The following CHMP2B variants were observed in gnomAD, a reference collection of about 807,000 sequenced individuals.
The protein encoded by CHMP2B is VPS2 homolog B.
A neutral mutation model predicts 29.8 loss-of-function variants in CHMP2B; 22 were observed. The observed-to-expected ratio is 0.74, with a 90% CI of 0.53 to 1.05. The LOEUF is 1.05. Ranked by LOEUF, CHMP2B falls within the 50% of genes least tolerant of loss-of-function variation. CHMP2B has a pLI of 0.00. For synonymous variants in CHMP2B, 78 were observed against 75.8 expected (o/e 1.03, Z -0.15); for missense variants, 261 against 252.2 (o/e 1.03, Z -0.24).
At chr3:87,240,878 A>G (rs984655587) in intron 2 of CHMP2B, 88 bp downstream of exon 2, 1 of 927,500 alleles carries the variant, frequency 1.1e-6, no homozygotes, top group South Asian at 1.3e-5. Context: ...AAGAAGGCAC[A>G]TGGCAGGTGG....
At chr3:87,241,018 T>A (rs1344702542) in intron 2 of CHMP2B, among the ~76,000 whole-genome samples, 1 of 152,234 alleles carries the variant, frequency 6.6e-6, no homozygotes, top group Non-Finnish European at 1.5e-5. Context: ...AATCAAATTA[T>A]TCTTCAGTTT....
chr3:87,235,399 T>G (rs1307738780), intron 1 of CHMP2B, among the ~76,000 whole-genome samples: 2 of 152,220 alleles, frequency 1.3e-5, no homozygotes, highest in African/African-American at 2.4e-5. Context: ...TTTACTGTCT[T>G]TTCCTACTTA....
intron 1 of CHMP2B, among the ~76,000 whole-genome samples, chr3:87,230,718 G>A (rs1218374082): frequency 6.6e-6 from 1 of 152,146 alleles, no homozygotes; most frequent in Non-Finnish European, 1.5e-5. Flanking sequence ...GAGTAGTGAT[G>A]TCTTATCTCC....
At chr3:87,246,852 G>A (rs1706222615) in intron 3 of CHMP2B, among the ~76,000 whole-genome samples, 5 of 152,130 alleles carry the variant, frequency 3.3e-5, no homozygotes, top group Admixed American at 3.3e-4. Flanking sequence ...TTCAATTGGA[G>A]GCTTAAGATA....
chr3:87,248,326 G>C (rs185966834), intron 3 of CHMP2B, among the ~76,000 whole-genome samples: 2 of 151,132 alleles, frequency 1.3e-5, no homozygotes, highest in East Asian at 4.0e-4. Context: ...AGAACGTTTC[G>C]GTATACATTT....
chr3:87,246,120 G>T (rs1358517360), intron 3 of CHMP2B, among the ~76,000 whole-genome samples: 2 of 150,720 alleles, frequency 1.3e-5, no homozygotes, highest in African/African-American at 4.9e-5. Context: ...CTTGTTTGAG[G>T]ACAATCCGTT....
chr3:87,232,303 AT>A (rs906366110), intron 1 of CHMP2B, among the ~76,000 whole-genome samples: 2 of 152,274 alleles, frequency 1.3e-5, no homozygotes, highest in Admixed American at 6.5e-5. Flanking sequence ...GTGATGCCAC[AT>A]TTCTGATGTT....
Position 87,253,002 on chromosome 3 carries a change from TA to T in CHMP2B, c.425-397del, listed in dbSNP as rs1706343519. ...AGGTATAAAAATATGATTATAGATA[TA>T]AAAAGAGTAAATCGTTTTCCAGATA... On this transcript the variant is annotated intron_variant, in intron 4 of 5. Coordinates refer to ENST00000263780, the MANE Select transcript of CHMP2B (RefSeq NM_014043.4). 1.5e-4 allele frequency: 27 copies of T among 183,158 alleles called. 1 individual carries two copies. The South Asian group carries it at 2.8e-3, about 19-fold the overall frequency. 11.3% of individuals were successfully genotyped at this position (183,158 alleles called of 1,614,324 possible). A position where few individuals can be genotyped will look rare whatever the true frequency, so the allele number is the denominator to read the frequency against.
In CHMP2B at chr3:87,253,863, A is replaced by G. The variant is rs1198911951; in HGVS notation, c.*41A>G. 1.4e-6 allele frequency: 2 copies of G among 1,416,624 alleles called. No individual in the cohort carries two copies. Among genetic ancestry groups the G allele is most frequent in the Non-Finnish European group, 2.0e-6 (2 of 1,004,154 alleles). 87.8% of individuals were successfully genotyped at this position (1,416,624 alleles called of 1,614,324 possible). A position where few individuals can be genotyped will look rare whatever the true frequency, so the allele number is the denominator to read the frequency against. On this transcript the variant is annotated 3_prime_UTR_variant, in exon 6 of 6. Transcript: ENST00000263780. ...CTATTTTGCTTACTTATAATTATGT[A>G]GTATAAACCAAGCACAGTGCAGATT...
At chr3:87,238,986 A>T (rs1706066531) in intron 1 of CHMP2B, among the ~76,000 whole-genome samples, 1 of 152,100 alleles carries the variant, frequency 6.6e-6, no homozygotes. Context: ...ATCCTTTCTA[A>T]TACATGTGAA....
In CHMP2B at chr3:87,253,741, C is replaced by T. The variant is rs759602855; in HGVS notation, c.561C>T (p.Ser187=). 1 of 1,612,368 alleles carries T rather than the reference C, an allele frequency of 6.2e-7. No individual in the cohort carries two copies. Among genetic ancestry groups the T allele is most frequent in the African/African-American group, 1.3e-5 (1 of 74,842 alleles). ...KMAKAPSAAR[S]LPSASTSKAT... is the part of the protein sequence containing the mutation. ...CCAAAGCTCCATCAGCTGCTCGAAG[C>T]TTACCATCTGCCTCTACTTCAAAGG... Residue 187 remains serine, a synonymous_variant, in exon 6 of 6, where the codon AGC becomes AGT. Transcript: ENST00000263780.
intron 4 of CHMP2B, among the ~76,000 whole-genome samples, chr3:87,252,219 A>G (rs901843210): frequency 1.3e-4 from 19 of 151,922 alleles, no homozygotes; most frequent in African/African-American, 4.6e-4. Flanking sequence ...TGCATAGACA[A>G]GGACTCTCTT....
At chr3:87,230,626 C>T (rs1399804944) in intron 1 of CHMP2B, among the ~76,000 whole-genome samples, 1 of 152,074 alleles carries the variant, frequency 6.6e-6, no homozygotes, top group Non-Finnish European at 1.5e-5. Context: ...TGGAAATAAC[C>T]CACTCCTGAC....
chr3:87,235,513 A>G (rs1196627660), intron 1 of CHMP2B, among the ~76,000 whole-genome samples: 2 of 152,202 alleles, frequency 1.3e-5, no homozygotes, highest in Non-Finnish European at 2.9e-5. Context: ...CCTATTAACA[A>G]CTATGAGGCT....
intron 4 of CHMP2B, among the ~76,000 whole-genome samples, chr3:87,251,500 T>G (rs1229705628): frequency 6.6e-6 from 1 of 151,994 alleles, no homozygotes. Context: ...TCATTTGTAT[T>G]TTAATACATT....
intron 1 of CHMP2B, among the ~76,000 whole-genome samples, chr3:87,236,102 G>A (rs896895775): frequency 1.1e-4 from 16 of 152,262 alleles, no homozygotes; most frequent in African/African-American, 3.9e-4. Flanking sequence ...CACCAATTGA[G>A]AGGTTCTCTG....
intron 1 of CHMP2B, among the ~76,000 whole-genome samples, chr3:87,239,453 A>G (rs967454923): frequency 2.0e-5 from 3 of 152,138 alleles, no homozygotes; most frequent in Admixed American, 2.0e-4. Flanking sequence ...GTAAAGGTCC[A>G]ACTTTATTCT....
Position 87,227,397 on chromosome 3 carries a change from C to A in CHMP2B, c.-126C>A. 2 of 1,077,804 alleles carry A rather than the reference C, an allele frequency of 1.9e-6. No individual in the cohort carries two copies. The highest frequency in any genetic ancestry group is 2.8e-6 in the Non-Finnish European group (2 of 701,770). The allele number at this position is 1,077,804 out of a possible 1,614,324, so 66.8% of individuals were successfully genotyped here. A position where few individuals can be genotyped will look rare whatever the true frequency, so the allele number is the denominator to read the frequency against. The stretch of plus-strand genomic sequence containing the variant: ...CGCGGGTCCTGCCTGGCGACCCCGA[C>A]CTCCTCCTGCTGTCTCTCCGCTCCG... On this transcript the variant is annotated 5_prime_UTR_variant, in exon 1 of 6. Transcript: ENST00000263780.
chr3:87,227,602 G>C (rs768671850), intron 1 of CHMP2B, 46 bp downstream of exon 1: 23 of 1,613,100 alleles, frequency 1.4e-5, no homozygotes, highest in Non-Finnish European at 1.9e-5. Context: ...GCGTTTTCTC[G>C]GCGTCTTTCG....
Sources: allele counts gnomAD v4.1 joint callset (sites outside exome capture counted in the v4.1 genomes callset), GRCh38; gene constraint gnomAD v4.1.1; transcripts MANE v1.5; gene names NCBI Gene and HGNC (gene_info 2026-07-23, HGNC 2026-07-21).